The following LUZP2 variants were observed in gnomAD, a reference collection of about 807,000 sequenced individuals.
LUZP2 encodes the protein leucine zipper protein 2.
LUZP2 carries 52 observed loss-of-function variants against 51.6 expected under a neutral mutation model. The observed-to-expected ratio is 1.01, with a 90% CI of 0.81 to 1.27. The LOEUF (loss-of-function observed/expected upper bound fraction) is 1.27, where lower values mean the gene tolerates loss of function less well. Among genes scored for constraint, LUZP2 ranks in the 50% most tolerant of loss-of-function variants. The pLI is 0.00. For synonymous variants in LUZP2, 154 were observed against 137.3 expected (o/e 1.12, Z -0.85); for missense variants, 436 against 395.4 (o/e 1.10, Z -0.87).
intron 5 of LUZP2, among the ~76,000 whole-genome samples, chr11:24,779,021 G>T (rs758132514): frequency 2.6e-5 from 4 of 152,134 alleles, no homozygotes; most frequent in Non-Finnish European, 5.9e-5. Flanking sequence ...GAGCATTTCA[G>T]AAATGTGTGT....
At chr11:24,894,570 T>C (rs541195813) in intron 5 of LUZP2, among the ~76,000 whole-genome samples, 3 of 152,004 alleles carry the variant, frequency 2.0e-5, no homozygotes, top group African/African-American at 7.2e-5. Flanking sequence ...TAGTACCCAG[T>C]AGTTTTTTTT....
intron 3 of LUZP2, among the ~76,000 whole-genome samples, chr11:24,733,308 C>T (rs1858789135): frequency 6.6e-6 from 1 of 151,688 alleles, no homozygotes; most frequent in Non-Finnish European, 1.5e-5. Context: ...GTTTCTGAAA[C>T]AATATTATTT....
intron 7 of LUZP2, among the ~76,000 whole-genome samples, chr11:24,951,071 C>A (rs11828206): frequency 6.6e-6 from 1 of 151,400 alleles, no homozygotes; most frequent in Non-Finnish European, 1.5e-5. Context: ...AGTTTACTCT[C>A]ATTTGGGAGG....
chr11:24,766,636 G>C (rs1860200548), intron 5 of LUZP2, among the ~76,000 whole-genome samples: 1 of 151,982 alleles, frequency 6.6e-6, no homozygotes, highest in Non-Finnish European at 1.5e-5. Context: ...AGTGTGCTTT[G>C]TTAGAAGTCA....
intron 7 of LUZP2, among the ~76,000 whole-genome samples, chr11:24,925,867 T>C (rs560731334): frequency 6.6e-6 from 1 of 152,182 alleles, no homozygotes; most frequent in Admixed American, 6.6e-5. Flanking sequence ...CTGTACCCAA[T>C]GTGTAGTCAT....
chr11:24,683,651 A>G (rs1156251915), intron 1 of LUZP2, among the ~76,000 whole-genome samples: 3 of 152,214 alleles, frequency 2.0e-5, no homozygotes, highest in Non-Finnish European at 2.9e-5. Context: ...TTCATTCATT[A>G]GAGACATTTG....
intron 1 of LUZP2, among the ~76,000 whole-genome samples, chr11:24,724,260 A>G (rs1363883562): frequency 6.6e-6 from 1 of 152,150 alleles, no homozygotes; most frequent in Non-Finnish European, 1.5e-5. Context: ...GTGATGAAGC[A>G]TAACTTTTTA....
At chr11:25,017,211 A>G (rs1168230555) in intron 9 of LUZP2, among the ~76,000 whole-genome samples, 1 of 151,926 alleles carries the variant, frequency 6.6e-6, no homozygotes, top group Non-Finnish European at 1.5e-5. Flanking sequence ...TATTTCTCCC[A>G]CTCTGAGTTT....
intron 5 of LUZP2, among the ~76,000 whole-genome samples, chr11:24,773,035 C>A (rs1160902944): frequency 2.6e-5 from 4 of 151,050 alleles, no homozygotes; most frequent in Admixed American, 6.6e-5. Context: ...ACTATTAAAC[C>A]ACTCCACCAT....
At chr11:24,786,010 C>T (rs1226568297) in intron 5 of LUZP2, 42 of 985,080 alleles carry the variant, frequency 4.3e-5, no homozygotes, top group Non-Finnish European at 4.9e-5. Context: ...CAAGTGGTAC[C>T]CAGAGTTGGG....
rs1223829644 is a variant in LUZP2, at chr11:24,883,727, G to A, written c.397-22264G>A. 2.0e-5 allele frequency among the ~76,000 whole-genome samples: 3 copies of A among 152,058 alleles called. No homozygotes were observed. In the South Asian group the frequency reaches 6.2e-4, roughly 32 times the overall value. On this transcript the variant is annotated intron_variant, in intron 5 of 11. Transcript: ENST00000336930. ...TTTTATTTACTGACTAGCAAACATT[G>A]AATGAAACAGTTTTTAAAGTTAATA...
chr11:24,868,670 T>C (rs1479531297), intron 5 of LUZP2, among the ~76,000 whole-genome samples: 1 of 152,146 alleles, frequency 6.6e-6, no homozygotes, highest in Non-Finnish European at 1.5e-5. Flanking sequence ...TGTGACATCA[T>C]AAGTACCTTC....
At chr11:24,712,918 T>C (rs1029601900) in intron 1 of LUZP2, among the ~76,000 whole-genome samples, 2 of 152,200 alleles carry the variant, frequency 1.3e-5, no homozygotes, top group African/African-American at 4.8e-5. Flanking sequence ...GGAAGAGTTA[T>C]ATATTTTTAA....
intron 5 of LUZP2, among the ~76,000 whole-genome samples, chr11:24,857,188 T>C (rs1851591838): frequency 6.6e-6 from 1 of 151,394 alleles, no homozygotes; most frequent in African/African-American, 2.4e-5. Flanking sequence ...GGTAACAAGA[T>C]TGTACATTAT....
chr11:24,514,033 G>C (rs1850390424), intron 1 of LUZP2, among the ~76,000 whole-genome samples: 1 of 152,196 alleles, frequency 6.6e-6, no homozygotes, highest in Non-Finnish European at 1.5e-5. Flanking sequence ...TGATCTGGCT[G>C]GGGATACAAG....
At chr11:24,497,416 G>T in intron 1 of LUZP2, 111 bp downstream of exon 1, 1 of 668,458 alleles carries the variant, frequency 1.5e-6, no homozygotes, top group Non-Finnish European at 2.3e-6. Context: ...TGCATCTCCC[G>T]CCTAAGCAAG....
At chr11:25,002,610 C>T (rs1329817082) in intron 9 of LUZP2, among the ~76,000 whole-genome samples, 1 of 152,148 alleles carries the variant, frequency 6.6e-6, no homozygotes, top group Non-Finnish European at 1.5e-5. Context: ...AAGATGGCCA[C>T]CACCGCAACT....
chr11:24,546,967 TGG>T (rs1564983111), intron 1 of LUZP2, among the ~76,000 whole-genome samples: 18 of 4,992 alleles, frequency 3.6e-3, no homozygotes, highest in African/African-American at 9.6e-3. Flanking sequence ...TTGTTGTTGG[TGG>T]TGGTGGTGGT....
chr11:24,857,386 G>A (rs1485416620), intron 5 of LUZP2, among the ~76,000 whole-genome samples: 1 of 149,840 alleles, frequency 6.7e-6, no homozygotes, highest in Non-Finnish European at 1.5e-5. Flanking sequence ...TGAGTATAGT[G>A]TATGATACAT....
Sources: gnomAD v4.1 joint callset for allele counts (sites outside exome capture counted in the v4.1 genomes callset) on GRCh38, gnomAD v4.1.1 for gene constraint, MANE v1.5 for transcripts, NCBI Gene and HGNC (gene_info 2026-07-23, HGNC 2026-07-21) for gene names.